MMADHC: variants seen among roughly 807,000 people sequenced by gnomAD.
The protein encoded by MMADHC is metabolism of cobalamin associated D.
Under a neutral mutation model 36.3 loss-of-function variants are expected in MMADHC, and 23 were observed. The observed-to-expected ratio is 0.63, with a 90% CI of 0.46 to 0.90. The LOEUF is 0.90. MMADHC is among the 40% of genes least tolerant of loss of function. The probability of loss-of-function intolerance (pLI) is 0.00; values close to 1 mark genes in which losing one functional copy is unlikely to be tolerated. For missense variants in MMADHC, 330 were observed against 348.0 expected (o/e 0.95, Z 0.41); for synonymous variants, 97 against 116.1 (o/e 0.84, Z 1.06).
At position 149,576,457 on chromosome 2, in the gene MMADHC, C is replaced by A. The variant is rs1199805848; in HGVS notation, c.458G>T (p.Cys153Phe). The change falls in exon 5 of 8, where the codon TGT (cysteine) becomes TTT (phenylalanine). Residue 153 changes from cysteine (C) to phenylalanine (F), a missense_variant. Transcript: ENST00000303319. ...SARVECAIQT[C>F]PELLRKDFES... ...CATACCTTTTCGCAGCAATTCTGGA[C>A]ATGTCTGTATTGCACACTCTACTCT... 2.5e-6 allele frequency: 4 copies of A among 1,611,234 alleles called. No homozygotes were observed. Among genetic ancestry groups the A allele is most frequent in the South Asian group, 1.1e-5 (1 of 91,026 alleles).
At chr2:149,576,360 C>T in intron 5 of MMADHC, 77 bp downstream of exon 5, 3 of 1,000,384 alleles carry the variant, frequency 3.0e-6, no homozygotes, top group Admixed American at 1.7e-5. Flanking sequence ...ATACAGCGTT[C>T]CAATTTCTAT....
At chr2:149,581,322 G>A (rs1448507309) in intron 3 of MMADHC, among the ~76,000 whole-genome samples, 3 of 151,960 alleles carry the variant, frequency 2.0e-5, no homozygotes, top group Admixed American at 1.3e-4. Flanking sequence ...TAGTCTTTAG[G>A]TGATGTAAAT....
chr2:149,571,912 C>A (rs537430069), intron 6 of MMADHC, among the ~76,000 whole-genome samples: 1 of 152,132 alleles, frequency 6.6e-6, no homozygotes, highest in South Asian at 2.1e-4. Context: ...CTTCAGTATA[C>A]ATCTATCTAC....
At chr2:149,585,041 T>TC (rs1553454643) in intron 2 of MMADHC, among the ~76,000 whole-genome samples, 1 of 119,570 alleles carries the variant, frequency 8.4e-6, no homozygotes, top group Non-Finnish European at 1.7e-5. Context: ...AAACTCCGTC[T>TC]CAAAAAAAAA....
At chr2:149,586,726 G>A (rs1379886136) in intron 2 of MMADHC, among the ~76,000 whole-genome samples, 1 of 151,458 alleles carries the variant, frequency 6.6e-6, no homozygotes, top group Non-Finnish European at 1.5e-5. Context: ...TATGGAAACT[G>A]TTTTAAAAAA....
intron 7 of MMADHC, among the ~76,000 whole-genome samples, chr2:149,570,539 T>G (rs1285705510): frequency 6.6e-6 from 1 of 152,202 alleles, no homozygotes; most frequent in African/African-American, 2.4e-5. Context: ...TGAGAAGAAA[T>G]GGTATATATT....
intron 3 of MMADHC, 115 bp downstream of exon 3, chr2:149,582,012 G>T: frequency 8.4e-7 from 1 of 1,187,986 alleles, no homozygotes; most frequent in Non-Finnish European, 1.2e-6. Context: ...ATTTTCAACT[G>T]AACAAACACA....
chr2:149,573,003 C>A (rs1355775146), intron 6 of MMADHC, among the ~76,000 whole-genome samples: 1 of 152,146 alleles, frequency 6.6e-6, no homozygotes, highest in African/African-American at 2.4e-5. Flanking sequence ...ACAGCCATGG[C>A]AATTCATTTA....
chr2:149,571,680 T>C (rs4459701), intron 6 of MMADHC, among the ~76,000 whole-genome samples: 97,408 of 150,690 alleles, frequency 0.65, 35,100 homozygotes, highest in East Asian at 0.86. Context: ...CTCGGGAGGC[T>C]GAGGCAGGAG....
chr2:149,577,275 A>G (rs1325894789), intron 4 of MMADHC, among the ~76,000 whole-genome samples: 1 of 152,162 alleles, frequency 6.6e-6, no homozygotes, highest in African/African-American at 2.4e-5. Context: ...TCTGACAGGT[A>G]AAAAATAGCT....
At chr2:149,570,297 C>A (rs1682620745) in intron 7 of MMADHC, 129 bp from the exon 8 acceptor site, 3 of 797,130 alleles carry the variant, frequency 3.8e-6, no homozygotes, top group Non-Finnish European at 6.2e-6. Context: ...TAAAAAGTCA[C>A]ATGCAACACT....
At chr2:149,577,755 C>G (rs959195095) in intron 4 of MMADHC, among the ~76,000 whole-genome samples, 8 of 152,206 alleles carry the variant, frequency 5.3e-5, no homozygotes, top group African/African-American at 1.9e-4. Context: ...CACACTGGCT[C>G]ACGCCTGTAA....
Position 149,576,431 on chromosome 2 carries a change from A to C in MMADHC, c.478+6T>G, listed in dbSNP as rs13402787. 4,570 of 1,576,222 alleles carry C rather than the reference A, an allele frequency of 2.9e-3. 122 individuals carry two copies. The African/African-American group carries it at 0.054, about 18-fold the overall frequency. On this transcript the variant is annotated splice_donor_region_variant and intron_variant, in intron 5 of 7. Transcript: ENST00000303319. ...ACAGTGTTTCAAAGTATAAAGCATG[A>C]CATACCTTTTCGCAGCAATTCTGGA...
At chr2:149,573,918 CAA>C in intron 6 of MMADHC, among the ~76,000 whole-genome samples, 1 of 151,886 alleles carries the variant, frequency 6.6e-6, no homozygotes, top group Non-Finnish European at 1.5e-5. Flanking sequence ...TTCTGTTCAC[CAA>C]CACTGACATC....
At chr2:149,583,125 A>G (rs1682817999) in intron 2 of MMADHC, among the ~76,000 whole-genome samples, 1 of 152,210 alleles carries the variant, frequency 6.6e-6, no homozygotes, top group Non-Finnish European at 1.5e-5. Context: ...ATTTGTATTA[A>G]AAACACACAT....
intron 2 of MMADHC, among the ~76,000 whole-genome samples, chr2:149,586,660 G>C (rs1223600691): frequency 2.0e-5 from 3 of 151,982 alleles, no homozygotes; most frequent in African/African-American, 7.3e-5. Flanking sequence ...AAATATCTCT[G>C]GTGTGTGAGA....
At chr2:149,584,236 C>T (rs1219174891) in intron 2 of MMADHC, among the ~76,000 whole-genome samples, 1 of 152,038 alleles carries the variant, frequency 6.6e-6, no homozygotes, top group Non-Finnish European at 1.5e-5. Flanking sequence ...TCAGCAAGGG[C>T]TCAAAATAAG....
chr2:149,587,167 A>T lies in MMADHC; in HGVS notation c.-52-18T>A. 2.8e-6 allele frequency: 4 copies of T among 1,441,786 alleles called. No homozygotes were observed. The highest frequency in any genetic ancestry group is 3.9e-6 in the Non-Finnish European group (4 of 1,023,254). 89.3% of individuals were successfully genotyped at this position (1,441,786 alleles called of 1,614,324 possible). A position where few individuals can be genotyped will look rare whatever the true frequency, so the allele number is the denominator to read the frequency against. ...AGTTATTTCTGGGAAAGAACACAAC[A>T]AAACAGACGAGTGATCGATTAAACT... On this transcript the variant is annotated intron_variant, in intron 1 of 7. Coordinates refer to ENST00000303319, the MANE Select transcript of MMADHC (RefSeq NM_015702.3).
chr2:149,569,884 A>C lies in MMADHC; in HGVS notation c.*90T>G. Reference sequence around the variant, plus strand: ...ATGCTGAAATAAATACTTAGAAATAAATATATTTTAAAAACTTTAGTCTGA... The same window carrying C: ...ATGCTGAAATAAATACTTAGAAATACATATATTTTAAAAACTTTAGTCTGA... On this transcript the variant is annotated 3_prime_UTR_variant, in exon 8 of 8. Transcript: ENST00000303319. The C allele has an allele frequency of 9.2e-7, 1 of 1,087,294 alleles. No individual in the cohort carries two copies. The allele number at this position is 1,087,294 out of a possible 1,614,324, so 67.4% of individuals were successfully genotyped here. A position where few individuals can be genotyped will look rare whatever the true frequency, so the allele number is the denominator to read the frequency against.
Sources: allele counts gnomAD v4.1 joint callset (sites outside exome capture counted in the v4.1 genomes callset), GRCh38; gene constraint gnomAD v4.1.1; transcripts MANE v1.5; gene names NCBI Gene and HGNC (gene_info 2026-07-23, HGNC 2026-07-21).